CLEC16A: variants seen among roughly 807,000 people sequenced by gnomAD.
The protein encoded by CLEC16A is C-type lectin domain containing 16A, also known as protein CLEC16A.
In CLEC16A, 51 loss-of-function variants were observed where a neutral mutation model predicts 109.5. That is an observed-to-expected ratio of 0.47 (90% confidence interval 0.37 to 0.59). The LOEUF (loss-of-function observed/expected upper bound fraction) is 0.59. CLEC16A is among the 20% of genes least tolerant of loss of function. CLEC16A has a pLI of 0.00. For synonymous variants in CLEC16A, 673 were observed against 564.2 expected, an observed-to-expected ratio of 1.19 and a Z score of -2.73; for missense variants, 1,339 against 1,394.0, an observed-to-expected ratio of 0.96 and a Z score of 0.63.
At chr16:11,113,456 C>G (rs1183041235) in intron 19 of CLEC16A, among the ~76,000 whole-genome samples, 1 of 152,206 alleles carries the variant, frequency 6.6e-6, no homozygotes, top group Non-Finnish European at 1.5e-5. Flanking sequence ...GCCAGCAGTT[C>G]GAGTCCAGCC....
chr16:11,176,185 G>A (rs1001692909), intron 23 of CLEC16A, among the ~76,000 whole-genome samples: 5 of 152,364 alleles, frequency 3.3e-5, no homozygotes, highest in South Asian at 2.1e-4. Context: ...CAGGGCGCAC[G>A]CCTGAGCTGA....
intron 19 of CLEC16A, among the ~76,000 whole-genome samples, chr16:11,111,748 G>C (rs1386144859): frequency 6.6e-6 from 1 of 152,164 alleles, no homozygotes; most frequent in East Asian, 1.9e-4. Context: ...CAGGCATTAG[G>C]CTGTAATTTA....
At chr16:11,111,190 A>G (rs2153002195) in intron 19 of CLEC16A, among the ~76,000 whole-genome samples, 1 of 152,364 alleles carries the variant, frequency 6.6e-6, no homozygotes, top group Middle Eastern at 3.4e-3. Context: ...TTGCTGAGTA[A>G]CCAACCACAT....
intron 23 of CLEC16A, among the ~76,000 whole-genome samples, chr16:11,177,171 T>G (rs995200537): frequency 5.3e-5 from 8 of 152,306 alleles, no homozygotes; most frequent in Non-Finnish European, 8.8e-5. Flanking sequence ...GCCCACTGTC[T>G]TCTTCTCAAT....
rs1026506366 is a variant in CLEC16A, at chr16:10,961,385, C to T, written c.210-1070C>T. Among the ~76,000 whole-genome samples, 3 of 152,126 alleles carry T rather than the reference C, an allele frequency of 2.0e-5. No individual in the cohort carries two copies. Among genetic ancestry groups the T allele is most frequent in the African/African-American group, 4.8e-5 (2 of 41,400 alleles). ...ACCTCACCACTGTGGAGATGCCAGA[C>T]GAGGACAGAGAGGCACCCACAACTG... On this transcript the variant is annotated intron_variant, in intron 2 of 23. Coordinates refer to ENST00000409790, the MANE Select transcript of CLEC16A (RefSeq NM_015226.3). The surrounding 1 kb of genome is among the most constrained non-coding windows in gnomAD (Gnocchi z 4.3).
chr16:11,013,760 A>C (rs1281411320), intron 11 of CLEC16A, among the ~76,000 whole-genome samples: 1 of 151,984 alleles, frequency 6.6e-6, no homozygotes, highest in East Asian at 1.9e-4. Flanking sequence ...CTCTGTCTCA[A>C]AAATAAATAA....
intron 22 of CLEC16A, among the ~76,000 whole-genome samples, chr16:11,144,453 C>G (rs2053970611): frequency 6.6e-6 from 1 of 152,120 alleles, no homozygotes; most frequent in Non-Finnish European, 1.5e-5. Flanking sequence ...AGCCACTCAA[C>G]TGGAACCTCA....
chr16:10,958,174 C>G (rs1262806306), intron 2 of CLEC16A, among the ~76,000 whole-genome samples: 2 of 152,072 alleles, frequency 1.3e-5, no homozygotes, highest in African/African-American at 4.8e-5. Context: ...CAGGTTGTGT[C>G]TGATTATTTT....
At position 11,141,881 on chromosome 16, in the gene CLEC16A, G is replaced by A. The variant is rs145750173; in HGVS notation, c.2641+15735G>A. 1.4e-4 allele frequency among the ~76,000 whole-genome samples: 22 copies of A among 152,346 alleles called. No individual in the cohort carries two copies. The East Asian group carries it at 3.3e-3, about 23-fold the overall frequency. On this transcript the variant is annotated intron_variant, in intron 22 of 23. Transcript: ENST00000409790. The stretch of plus-strand genomic sequence containing the variant: ...TTTGTGATCTCAGTAACCGCAGAGC[G>A]TAGTGAGGTGGGAGAGGCTTGAGAG...
At chr16:11,115,784 A>G (rs757008792) in intron 19 of CLEC16A, among the ~76,000 whole-genome samples, 3 of 152,180 alleles carry the variant, frequency 2.0e-5, no homozygotes, top group Non-Finnish European at 2.9e-5. Context: ...AGTCATCTAG[A>G]GAATCATCCA....
At chr16:11,112,835 G>A (rs1033386856) in intron 19 of CLEC16A, among the ~76,000 whole-genome samples, 1 of 152,220 alleles carries the variant, frequency 6.6e-6, no homozygotes, top group African/African-American at 2.4e-5. Flanking sequence ...GGGTAAGATG[G>A]AGACATCTGC....
intron 23 of CLEC16A, among the ~76,000 whole-genome samples, chr16:11,172,744 C>T (rs1418382193): frequency 6.6e-6 from 1 of 151,956 alleles, no homozygotes; most frequent in African/African-American, 2.4e-5. Flanking sequence ...CAAAAATTAG[C>T]CAGGCGTGGT....
chr16:11,105,977 C>A (rs932572868), intron 19 of CLEC16A, among the ~76,000 whole-genome samples: 2 of 152,158 alleles, frequency 1.3e-5, no homozygotes, highest in African/African-American at 4.8e-5. Context: ...CAAACTCTTT[C>A]CATTCAAATC....
chr16:11,135,472 G>A (rs1540358), intron 22 of CLEC16A, among the ~76,000 whole-genome samples: 564 of 152,332 alleles, frequency 3.7e-3, no homozygotes, highest in Non-Finnish European at 4.9e-3. Context: ...CAGTAGGCAG[G>A]GCCAGCCATC....
rs1016558218 is a variant in CLEC16A at position 11,020,044 on chromosome 16, T to G, written c.1304-149T>G. 7.8e-6 allele frequency: 6 copies of G among 767,066 alleles called. No individual in the cohort carries two copies. The Admixed American group carries it at 2.1e-4, about 27-fold the overall frequency. The allele number at this position is 767,066 out of a possible 1,614,324, so 47.5% of individuals were successfully genotyped here. ...CCTCTGTCTTATTTCCACCCCAGTG[T>G]GTCTCTGGTGTTCAGGTCGCTGCTG... On this transcript the variant is annotated intron_variant, in intron 11 of 23. Coordinates refer to ENST00000409790, the MANE Select transcript of CLEC16A (RefSeq NM_015226.3).
At chr16:11,123,181 C>T (rs945075301) in intron 20 of CLEC16A, among the ~76,000 whole-genome samples, 2 of 152,132 alleles carry the variant, frequency 1.3e-5, no homozygotes, top group African/African-American at 4.8e-5. Flanking sequence ...GAATTATAGG[C>T]GTGAGCCACC....
intron 19 of CLEC16A, among the ~76,000 whole-genome samples, chr16:11,103,779 C>G (rs1470734241): frequency 6.6e-6 from 1 of 152,066 alleles, no homozygotes; most frequent in Non-Finnish European, 1.5e-5. Flanking sequence ...TCTCTGTGGT[C>G]CTCTTTGCCA....
intron 10 of CLEC16A, among the ~76,000 whole-genome samples, chr16:10,987,064 C>G (rs2043712015): frequency 6.6e-6 from 1 of 152,008 alleles, no homozygotes; most frequent in Non-Finnish European, 1.5e-5. Context: ...CCATGTTGGC[C>G]AGGCTGGTCT....
At chr16:11,068,494 G>C (rs941113825) in intron 19 of CLEC16A, among the ~76,000 whole-genome samples, 1 of 152,200 alleles carries the variant, frequency 6.6e-6, no homozygotes, top group Non-Finnish European at 1.5e-5. Context: ...CCAGCTGCTA[G>C]AGTCTCTGCT....
Sources: allele counts gnomAD v4.1 joint callset (sites outside exome capture counted in the v4.1 genomes callset), GRCh38; gene constraint gnomAD v4.1.1; non-coding constraint Gnocchi (gnomAD v3.1); transcripts MANE v1.5; gene names NCBI Gene and HGNC (gene_info 2026-07-23, HGNC 2026-07-21).